The following TNS3 variants were observed in gnomAD, a reference collection of about 807,000 sequenced individuals.
TNS3 encodes the protein tensin-3.
Under a neutral mutation model 140.9 loss-of-function variants are expected in TNS3, and 45 were observed. The observed-to-expected ratio is 0.32, with a 90% CI of 0.25 to 0.41. The LOEUF is 0.41. Ranked by LOEUF, TNS3 falls within the 10% of genes least tolerant of loss-of-function variation. The pLI is 1.00. For synonymous variants in TNS3, 815 were observed against 788.4 expected (o/e 1.03, Z -0.56); for missense variants, 1,716 against 1,906.7 (o/e 0.90, Z 1.86).
At chr7:47,512,799 T>C (rs144564057) in intron 2 of TNS3, among the ~76,000 whole-genome samples, 11 of 152,192 alleles carry the variant, frequency 7.2e-5, no homozygotes, top group South Asian at 2.1e-4. Context: ...TGATTCGGAA[T>C]TGGAAAAGCT....
At chr7:47,395,791 G>T (rs573799765) in intron 16 of TNS3, among the ~76,000 whole-genome samples, 1 of 152,206 alleles carries the variant, frequency 6.6e-6, no homozygotes, top group Admixed American at 6.5e-5. Context: ...TCCATCTGTG[G>T]GTCTCCACCT....
At chr7:47,379,821 C>A (rs1791638968) in intron 16 of TNS3, among the ~76,000 whole-genome samples, 2 of 152,210 alleles carry the variant, frequency 1.3e-5, no homozygotes, top group African/African-American at 4.8e-5. Flanking sequence ...CACCAGGACA[C>A]CTTGCTGAGA....
chr7:47,455,920 G>A (rs536189871), intron 4 of TNS3, among the ~76,000 whole-genome samples: 19 of 152,332 alleles, frequency 1.2e-4, no homozygotes, highest in African/African-American at 3.1e-4. Flanking sequence ...GGCACACTGC[G>A]TGTGGTGGGT....
intron 17 of TNS3, among the ~76,000 whole-genome samples, chr7:47,363,735 G>A (rs530152504): frequency 1.3e-5 from 2 of 152,280 alleles, no homozygotes; most frequent in South Asian, 2.1e-4. Context: ...CGAGACTCAA[G>A]GTAGTCTCCA....
chr7:47,564,650 CA>C (rs397961987), intron 1 of TNS3, among the ~76,000 whole-genome samples: 2 of 99,110 alleles, frequency 2.0e-5, no homozygotes, highest in Non-Finnish European at 4.0e-5. Flanking sequence ...AAAAAAAAAA[CA>C]AAAAAAAACA....
At chr7:47,514,408 C>T (rs899659148) in intron 2 of TNS3, among the ~76,000 whole-genome samples, 3 of 152,202 alleles carry the variant, frequency 2.0e-5, no homozygotes, top group Admixed American at 6.5e-5. Context: ...TTGCTGACTC[C>T]GATGGACTCA....
intron 16 of TNS3, among the ~76,000 whole-genome samples, chr7:47,379,555 T>C (rs919443576): frequency 6.6e-6 from 1 of 152,110 alleles, no homozygotes; most frequent in African/African-American, 2.4e-5. Context: ...TTGATATATT[T>C]CAAGACGCGA....
intron 16 of TNS3, among the ~76,000 whole-genome samples, chr7:47,391,418 T>C (rs1440951183): frequency 3.3e-5 from 5 of 152,106 alleles, no homozygotes; most frequent in Admixed American, 6.5e-5. Flanking sequence ...ATATGACAAA[T>C]GGTGTGTATG....
At chr7:47,362,888 C>T (rs1281378009) in intron 17 of TNS3, among the ~76,000 whole-genome samples, 1 of 93,186 alleles carries the variant, frequency 1.1e-5, no homozygotes, top group Non-Finnish European at 2.4e-5. Flanking sequence ...ACAGTCATCA[C>T]CATCACCATC....
At chr7:47,493,711 C>A (rs1306286244) in intron 3 of TNS3, among the ~76,000 whole-genome samples, 6 of 151,560 alleles carry the variant, frequency 4.0e-5, no homozygotes, top group African/African-American at 1.5e-4. Flanking sequence ...GCCTGTAGTC[C>A]CAGCTACTTG....
At chr7:47,372,291 G>A (rs985032863) in intron 16 of TNS3, among the ~76,000 whole-genome samples, 3 of 152,096 alleles carry the variant, frequency 2.0e-5, no homozygotes, top group Non-Finnish European at 4.4e-5. Context: ...CAGATTTCAC[G>A]CTGCTAAGTC....
chr7:47,427,123 CAAAAAAAAAAAA>C (rs61383259), intron 9 of TNS3, among the ~76,000 whole-genome samples: 2 of 106,824 alleles, frequency 1.9e-5, no homozygotes, highest in Admixed American at 1.1e-4. Flanking sequence ...AAGACTCTGT[CAAAAAAAAAAAA>C]AAAAAAAAAA....
intron 1 of TNS3, among the ~76,000 whole-genome samples, chr7:47,555,508 G>A (rs1010892680): frequency 6.6e-6 from 1 of 152,148 alleles, no homozygotes; most frequent in African/African-American, 2.4e-5. Context: ...GTTCTACCGT[G>A]GATAAAATGC....
intron 14 of TNS3, 29 bp from the exon 15 acceptor site, chr7:47,400,487 T>C (rs916683658): frequency 1.2e-6 from 2 of 1,609,372 alleles, no homozygotes; most frequent in African/African-American, 1.3e-5. Flanking sequence ...TTTAACACAT[T>C]TGTGGAGACA....
At chr7:47,361,847 C>T (rs1055705153) in intron 17 of TNS3, among the ~76,000 whole-genome samples, 6 of 152,108 alleles carry the variant, frequency 3.9e-5, no homozygotes, top group Non-Finnish European at 8.8e-5. Context: ...TTGCTGTCAT[C>T]ACAGGGTGGA....
chr7:47,478,790 G>T (rs577465774), intron 4 of TNS3, among the ~76,000 whole-genome samples: 2 of 151,718 alleles, frequency 1.3e-5, no homozygotes, highest in Non-Finnish European at 1.5e-5. Context: ...ATTTGTGTGC[G>T]TATAACAATT....
chr7:47,474,842 C>A (rs1378933154), intron 4 of TNS3, among the ~76,000 whole-genome samples: 17 of 148,146 alleles, frequency 1.1e-4, no homozygotes, highest in Non-Finnish European at 2.4e-4. Context: ...ACAGACACAC[C>A]TCACACACAA....
intron 28 of TNS3, among the ~76,000 whole-genome samples, chr7:47,281,925 C>G (rs1249693904): frequency 6.6e-6 from 1 of 151,148 alleles, no homozygotes; most frequent in Non-Finnish European, 1.5e-5. Context: ...TAGCCATGCC[C>G]CTGACCCTGA....
At chr7:47,397,186 A>G (rs62446315) in intron 15 of TNS3, among the ~76,000 whole-genome samples, 37,588 of 152,054 alleles carry the variant, frequency 0.25, 4,908 homozygotes, top group Middle Eastern at 0.4. Flanking sequence ...GAGTCTTCAG[A>G]CCACCTCACT....
Sources: gnomAD v4.1 joint callset for allele counts (sites outside exome capture counted in the v4.1 genomes callset) on GRCh38, gnomAD v4.1.1 for gene constraint, MANE v1.5 for transcripts, NCBI Gene and HGNC (gene_info 2026-07-23, HGNC 2026-07-21) for gene names.